Variants in KCNH8 observed in about 807,000 individuals in gnomAD.
KCNH8 encodes voltage-gated delayed rectifier potassium channel KCNH8.
A neutral mutation model predicts 103.6 loss-of-function variants in KCNH8; 70 were observed. That is an observed-to-expected ratio of 0.68 (90% confidence interval 0.56 to 0.82). The LOEUF is 0.82. Among genes scored for constraint, KCNH8 ranks in the 40% least tolerant of loss-of-function variants. The pLI is 0.00. For synonymous variants in KCNH8, 498 were observed against 489.4 expected (o/e 1.02, Z -0.23); for missense variants, 1,217 against 1,329.9 (o/e 0.92, Z 1.32).
At chr3:19,308,781 TCTCTCC>T (rs2065172149) in intron 3 of KCNH8, among the ~76,000 whole-genome samples, 1 of 105,002 alleles carries the variant, frequency 9.5e-6, no homozygotes, top group Non-Finnish European at 1.8e-5. Context: ...TCCCTCTCTC[TCTCTCC>T]CTCTCTCTCT....
At chr3:19,331,285 ATTG>A (rs1473604798) in intron 3 of KCNH8, among the ~76,000 whole-genome samples, 3 of 139,842 alleles carry the variant, frequency 2.1e-5, no homozygotes, top group South Asian at 2.3e-4. Context: ...TTATTTATTT[ATTG>A]TTGTTATTAT....
At chr3:19,515,696 A>G (rs1164834418) in intron 14 of KCNH8, among the ~76,000 whole-genome samples, 6 of 152,000 alleles carry the variant, frequency 3.9e-5, no homozygotes, top group East Asian at 1.9e-4. Context: ...AATTTCTGCT[A>G]TTCATTAGAG....
At chr3:19,372,128 G>GT (rs2066107940) in intron 5 of KCNH8, among the ~76,000 whole-genome samples, 1 of 152,046 alleles carries the variant, frequency 6.6e-6, no homozygotes, top group Non-Finnish European at 1.5e-5. Flanking sequence ...CTTTAAAGTA[G>GT]TTTTTTCCAA....
chr3:19,456,927 T>G lies in KCNH8; in HGVS notation c.1985T>G (p.Val662Gly), dbSNP rs2125188873. 1.2e-6 allele frequency: 2 copies of G among 1,612,588 alleles called. No homozygotes were observed. Among genetic ancestry groups the G allele is most frequent in the South Asian group, 1.1e-5 (1 of 91,044 alleles). ...DLYPEYAHKF[V>G]EDIQHDLTYN... ...TACCCAGAATATGCTCACAAATTCG[T>G]GGAAGACATTCAGCATGACCTCACA... Residue 662 changes from valine to glycine, a missense_variant, in exon 11 of 16, where the codon GTG (valine) becomes GGG (glycine). Val to Gly is a moderately radical substitution (Grantham distance 109). Around this residue, in one of 3 missense-constraint regions of KCNH8, gnomAD observed 415 missense variants for 577.4 expected, o/e 0.72. Coordinates refer to ENST00000328405, the MANE Select transcript of KCNH8 (RefSeq NM_144633.3).
chr3:19,289,223 T>G (rs1203749944), intron 3 of KCNH8, among the ~76,000 whole-genome samples: 1 of 151,986 alleles, frequency 6.6e-6, no homozygotes, highest in Non-Finnish European at 1.5e-5. Flanking sequence ...AGAAGCTCTT[T>G]AGTTTAATTA....
chr3:19,224,788 C>T (rs1367982111), intron 1 of KCNH8, among the ~76,000 whole-genome samples: 1 of 152,058 alleles, frequency 6.6e-6, no homozygotes, highest in African/African-American at 2.4e-5. Flanking sequence ...ATTAGAATTA[C>T]CAGTCATTCC....
chr3:19,518,962 C>T (rs143781438), intron 15 of KCNH8, among the ~76,000 whole-genome samples: 19 of 151,982 alleles, frequency 1.3e-4, no homozygotes, highest in Admixed American at 5.9e-4. Flanking sequence ...AATTAAAGAA[C>T]AGAGAAGTAA....
intron 5 of KCNH8, among the ~76,000 whole-genome samples, chr3:19,384,300 A>G (rs1463260092): frequency 6.6e-6 from 1 of 152,206 alleles, no homozygotes; most frequent in Non-Finnish European, 1.5e-5. Flanking sequence ...AGAAAAAGGC[A>G]TGCTTCTCTT....
chr3:19,351,190 G>T (rs2065796780), intron 5 of KCNH8, among the ~76,000 whole-genome samples: 1 of 152,056 alleles, frequency 6.6e-6, no homozygotes, highest in Non-Finnish European at 1.5e-5. Flanking sequence ...AGAGAAAAAA[G>T]ATTAAAAAGA....
At chr3:19,177,159 C>T (rs371054561) in intron 1 of KCNH8, among the ~76,000 whole-genome samples, 21 of 152,062 alleles carry the variant, frequency 1.4e-4, no homozygotes, top group African/African-American at 4.1e-4. Context: ...GCAAAAAACA[C>T]GGCACTAAAT....
chr3:19,295,895 T>C (rs2064991348), intron 3 of KCNH8, among the ~76,000 whole-genome samples: 1 of 152,104 alleles, frequency 6.6e-6, no homozygotes, highest in African/African-American at 2.4e-5. Flanking sequence ...ATGGGAAAGA[T>C]AGGGTCCCCA....
At chr3:19,423,444 T>C (rs1165897735) in intron 7 of KCNH8, among the ~76,000 whole-genome samples, 1 of 151,956 alleles carries the variant, frequency 6.6e-6, no homozygotes, top group Non-Finnish European at 1.5e-5. Context: ...CCTTCCACCC[T>C]TCCCCCTGAG....
At chr3:19,277,212 G>GA (rs889489277) in intron 2 of KCNH8, among the ~76,000 whole-genome samples, 1 of 152,062 alleles carries the variant, frequency 6.6e-6, no homozygotes, top group Non-Finnish European at 1.5e-5. Flanking sequence ...GAGGCAGGGG[G>GA]ATGAAGGGAA....
At chr3:19,281,391 A>G (rs1455149278) in intron 3 of KCNH8, 62 bp downstream of exon 3, 2 of 1,462,770 alleles carry the variant, frequency 1.4e-6, no homozygotes, top group Non-Finnish European at 1.8e-6. Context: ...GTTTACTTAA[A>G]AACTCTTGGA....
chr3:19,482,885 A>G (rs539981226), intron 11 of KCNH8, among the ~76,000 whole-genome samples: 1 of 152,308 alleles, frequency 6.6e-6, no homozygotes, highest in South Asian at 2.1e-4. Context: ...AGAATAGTCA[A>G]GGCTCTGCCG....
At chr3:19,438,468 T>C (rs1246823596) in intron 8 of KCNH8, 107 bp downstream of exon 8, 10 of 916,366 alleles carry the variant, frequency 1.1e-5, no homozygotes, top group Non-Finnish European at 1.1e-5. Context: ...TGATTAACAC[T>C]GGAAGATTCT....
intron 7 of KCNH8, among the ~76,000 whole-genome samples, chr3:19,396,019 T>C (rs2066511445): frequency 6.6e-6 from 1 of 152,014 alleles, no homozygotes; most frequent in Non-Finnish European, 1.5e-5. Flanking sequence ...ATGAAAATTC[T>C]CAAAACTATA....
intron 3 of KCNH8, among the ~76,000 whole-genome samples, chr3:19,328,610 T>A (rs2065463607): frequency 6.6e-6 from 1 of 152,164 alleles, no homozygotes; most frequent in Admixed American, 6.6e-5. Flanking sequence ...AATGTCTTCA[T>A]AAATTCTGTG....
chr3:19,376,496 T>C (rs2066207600), intron 5 of KCNH8, among the ~76,000 whole-genome samples: 1 of 152,176 alleles, frequency 6.6e-6, no homozygotes, highest in Non-Finnish European at 1.5e-5. Flanking sequence ...GTGCCCACTG[T>C]CTGGCACTCC....
Sources: allele counts gnomAD v4.1 joint callset (sites outside exome capture counted in the v4.1 genomes callset), GRCh38; gene constraint gnomAD v4.1.1; regional missense constraint gnomAD v4.1.1; transcripts MANE v1.5; gene names NCBI Gene and HGNC (gene_info 2026-07-23, HGNC 2026-07-21).